ARHGAP32: variants seen among roughly 807,000 people sequenced by gnomAD.
The protein encoded by ARHGAP32 is Rho GTPase activating protein 32, also known as rho GTPase-activating protein 32.
Under a neutral mutation model 186.5 loss-of-function variants are expected in ARHGAP32, and 51 were observed. The observed-to-expected ratio is 0.27, with a 90% CI of 0.22 to 0.35. The LOEUF (loss-of-function observed/expected upper bound fraction) is 0.35, where lower values mean the gene tolerates loss of function less well. ARHGAP32 is among the 10% of genes least tolerant of loss of function. The probability of loss-of-function intolerance (pLI) is 1.00; values close to 1 mark genes in which losing one functional copy is unlikely to be tolerated. For missense variants in ARHGAP32, 2,186 were observed against 2,623.5 expected (o/e 0.83, Z 3.64); for synonymous variants, 950 against 964.3 (o/e 0.99, Z 0.27).
chr11:129,077,337 A>C (rs1941075638), intron 6 of ARHGAP32, among the ~76,000 whole-genome samples: 1 of 152,182 alleles, frequency 6.6e-6, no homozygotes, highest in Non-Finnish European at 1.5e-5. Flanking sequence ...AAGACAAGGT[A>C]GATGGGGAGG....
intron 11 of ARHGAP32, among the ~76,000 whole-genome samples, chr11:129,016,215 A>G (rs897226244): frequency 1.3e-5 from 2 of 151,958 alleles, no homozygotes; most frequent in Non-Finnish European, 2.9e-5. Flanking sequence ...CCATTTTTCT[A>G]TTTTGTTGTC....
rs1944285401 is a variant in ARHGAP32, at chr11:129,192,202, G to A, written c.-4C>T. 1 of 1,606,492 alleles carries A rather than the reference G, an allele frequency of 6.2e-7. No individual in the cohort carries two copies. Among genetic ancestry groups the A allele is most frequent in the East Asian group, 2.2e-5 (1 of 44,816 alleles). On this transcript the variant is annotated 5_prime_UTR_variant, in exon 1 of 23. Transcript: ENST00000682385. ...TACTCTCACTTTCAGTCTCCATCTTGTACTTAAAAAACAAAAAAAACTAAA... is the reference window on the plus strand; with the variant it reads ...TACTCTCACTTTCAGTCTCCATCTTATACTTAAAAAACAAAAAAAACTAAA...
intron 6 of ARHGAP32, among the ~76,000 whole-genome samples, chr11:129,076,797 G>A (rs547572255): frequency 6.6e-6 from 1 of 152,328 alleles, no homozygotes; most frequent in South Asian, 2.1e-4. Context: ...AGAACAGCAT[G>A]TGGAGGCTCA....
In ARHGAP32 at chr11:129,031,541, TAAG is replaced by T. The variant is rs538365852; in HGVS notation, c.1045+9384_1045+9386del. Among the ~76,000 whole-genome samples, 4 of 152,344 alleles carry T rather than the reference TAAG, an allele frequency of 2.6e-5. No homozygotes were observed. In the South Asian group the frequency reaches 8.3e-4, roughly 32 times the overall value. On this transcript the variant is annotated intron_variant, in intron 11 of 22. Transcript: ENST00000682385. Reference sequence around the variant, plus strand: ...TGTCCATTTTATGGGGTAGATGCATTAAGAAGGATCTTAGAAATTACCTGTTTG... The same window carrying T: ...TGTCCATTTTATGGGGTAGATGCATTAAGGATCTTAGAAATTACCTGTTTG...
At chr11:129,142,112 C>T (rs1337090953) in intron 2 of ARHGAP32, among the ~76,000 whole-genome samples, 3 of 151,354 alleles carry the variant, frequency 2.0e-5, no homozygotes, top group Non-Finnish European at 4.4e-5. Context: ...ATCACTGAAC[C>T]AAATTATGAG....
At chr11:129,111,495 G>A (rs535925858) in intron 5 of ARHGAP32, among the ~76,000 whole-genome samples, 3 of 152,254 alleles carry the variant, frequency 2.0e-5, no homozygotes, top group East Asian at 3.9e-4. Flanking sequence ...TTGTAAGCTT[G>A]GTAGAAATCA....
intron 6 of ARHGAP32, among the ~76,000 whole-genome samples, chr11:129,070,452 C>T (rs1039029871): frequency 6.6e-6 from 1 of 151,976 alleles, no homozygotes; most frequent in Non-Finnish European, 1.5e-5. Context: ...AGAACAATGC[C>T]TCCACTAATA....
At chr11:129,122,991 T>C (rs1942570088) in intron 5 of ARHGAP32, among the ~76,000 whole-genome samples, 1 of 152,036 alleles carries the variant, frequency 6.6e-6, no homozygotes, top group African/African-American at 2.4e-5. Context: ...AGTATGTAGG[T>C]TGATGTCAAG....
At chr11:129,024,389 A>G (rs979450869) in intron 11 of ARHGAP32, among the ~76,000 whole-genome samples, 1 of 152,254 alleles carries the variant, frequency 6.6e-6, no homozygotes, top group Non-Finnish European at 1.5e-5. Flanking sequence ...GGTGGGAGAC[A>G]GTGTATCCAA....
intron 3 of ARHGAP32, among the ~76,000 whole-genome samples, 178 bp downstream of exon 3, chr11:129,124,625 G>C (rs1263085798): frequency 1.3e-5 from 2 of 152,136 alleles, no homozygotes; most frequent in Non-Finnish European, 1.5e-5. Flanking sequence ...GTATATTTTA[G>C]AGGAGTGGAT....
chr11:128,981,524 C>A lies in ARHGAP32; in HGVS notation c.1672G>T (p.Ala558Ser), dbSNP rs1312571810. The stretch of plus-strand genomic sequence containing the variant: ...TGAATCCTCACTTCCATGAAAGCTG[C>A]TGTTCCACTGAAGCAGGCAGATTCT... ...QIESACFSGT[A>S]AFMEVRIQSV... The change falls in exon 17 of 23, where the codon GCA (alanine) becomes TCA (serine). Residue 558 changes from alanine to serine, a missense_variant. Physicochemically the swap from Ala to Ser is moderately conservative, Grantham distance 99. This residue lies in a region of ARHGAP32 where 308 missense variants were observed against 596.5 expected (regional missense o/e 0.52). Coordinates refer to ENST00000682385, the MANE Select transcript of ARHGAP32 (RefSeq NM_001378024.1). 1 of 1,614,010 alleles carries A rather than the reference C, an allele frequency of 6.2e-7. No homozygotes were observed. Among genetic ancestry groups the A allele is most frequent in the South Asian group, 1.1e-5 (1 of 91,064 alleles).
intron 10 of ARHGAP32, among the ~76,000 whole-genome samples, chr11:129,059,299 T>C (rs1199291473): frequency 6.6e-6 from 1 of 152,082 alleles, no homozygotes; most frequent in Non-Finnish European, 1.5e-5. Context: ...AGTAACTACC[T>C]AGAAGCTTTG....
At chr11:129,163,760 G>A (rs1943577174) in intron 2 of ARHGAP32, among the ~76,000 whole-genome samples, 1 of 152,056 alleles carries the variant, frequency 6.6e-6, no homozygotes, top group South Asian at 2.1e-4. Context: ...TCACTGCTCA[G>A]CCAAAAATCC....
intron 1 of ARHGAP32, among the ~76,000 whole-genome samples, chr11:129,165,624 T>C (rs896875335): frequency 6.7e-6 from 1 of 149,494 alleles, no homozygotes; most frequent in Non-Finnish European, 1.5e-5. Flanking sequence ...AGAAAAAAAA[T>C]AGTCAAACCA....
chr11:129,274,472 TCTC>T (rs1945508243), intron 1 of ARHGAP32, among the ~76,000 whole-genome samples: 1 of 152,064 alleles, frequency 6.6e-6, no homozygotes, highest in African/African-American at 2.4e-5. Flanking sequence ...CCCTCCCCTG[TCTC>T]CTCTGGATCA....
At chr11:129,274,244 T>C (rs1945505305) in intron 1 of ARHGAP32, among the ~76,000 whole-genome samples, 1 of 152,236 alleles carries the variant, frequency 6.6e-6, no homozygotes, top group African/African-American at 2.4e-5. Context: ...TTGGGGAATA[T>C]TCCTGCTCAA....
intron 2 of ARHGAP32, among the ~76,000 whole-genome samples, chr11:129,132,399 G>A (rs1041439257): frequency 1.3e-5 from 2 of 151,836 alleles, no homozygotes. Context: ...AGAATTGCTT[G>A]AGCCTAAGGT....
chr11:129,008,420 C>A (rs893604461), intron 11 of ARHGAP32, among the ~76,000 whole-genome samples: 15 of 152,152 alleles, frequency 9.9e-5, no homozygotes, highest in African/African-American at 3.6e-4. Context: ...AGATAGAACA[C>A]TAGATGGGCT....
At chr11:129,221,420 T>C (rs1468289339) in intron 1 of ARHGAP32, among the ~76,000 whole-genome samples, 1 of 151,818 alleles carries the variant, frequency 6.6e-6, no homozygotes, top group Admixed American at 6.6e-5. Context: ...ATATGCATTT[T>C]AATTTTGCTC....
Sources: gnomAD v4.1 joint callset for allele counts (sites outside exome capture counted in the v4.1 genomes callset) on GRCh38, gnomAD v4.1.1 for gene constraint, gnomAD v4.1.1 regional missense constraint, MANE v1.5 for transcripts, NCBI Gene and HGNC (gene_info 2026-07-23, HGNC 2026-07-21) for gene names.